DST: variants seen among roughly 807,000 people sequenced by gnomAD.
The protein encoded by DST is bullous pemphigoid antigen.
DST carries 253 observed loss-of-function variants against 875.2 expected under a neutral mutation model. The observed-to-expected ratio is 0.29, with a 90% confidence interval of 0.26 to 0.32. The LOEUF is 0.32. Ranked by LOEUF, DST falls within the 10% of genes least tolerant of loss-of-function variation. DST has a pLI of 1.00. For synonymous variants in DST, 3,124 were observed against 3,197.1 expected (o/e 0.98, Z 0.77); for missense variants, 8,287 against 9,111.6 (o/e 0.91, Z 3.68).
At chr6:56,513,569 G>A (rs867274532) in intron 72 of DST, among the ~76,000 whole-genome samples, 2 of 152,012 alleles carry the variant, frequency 1.3e-5, no homozygotes, top group Non-Finnish European at 2.9e-5. Flanking sequence ...TCTCCATGTT[G>A]GTCAGGCTGG....
chr6:56,934,824 A>T (rs1812187961), intron 2 of DST, among the ~76,000 whole-genome samples: 1 of 150,622 alleles, frequency 6.6e-6, no homozygotes, highest in African/African-American at 2.5e-5. Context: ...TATTATTCTT[A>T]AAAAAAATTA....
intron 85 of DST, 131 bp from the exon 86 acceptor site, chr6:56,489,740 G>A (rs1582948307): frequency 1.2e-6 from 1 of 861,362 alleles, no homozygotes; most frequent in Non-Finnish European, 1.6e-6. Flanking sequence ...TTCCACTGAA[G>A]AAGAAAAAAG....
intron 2 of DST, among the ~76,000 whole-genome samples, chr6:56,949,009 G>T (rs1157446185): frequency 6.6e-6 from 1 of 152,158 alleles, no homozygotes; most frequent in African/African-American, 2.4e-5. Context: ...CAGTTAGTTT[G>T]TGGCAGAGCT....
chr6:56,585,680 T>C (rs1185721883), intron 49 of DST, among the ~76,000 whole-genome samples: 2 of 151,746 alleles, frequency 1.3e-5, no homozygotes, highest in African/African-American at 2.4e-5. Context: ...CTTTTAATTG[T>C]GATGTTAGGG....
intron 36 of DST, chr6:56,624,299 T>G: frequency 1.6e-6 from 1 of 629,180 alleles, no homozygotes. Flanking sequence ...AGTGAAAATG[T>G]AAAGTCATGA....
In DST at chr6:56,758,025, A is replaced by G. The variant is rs1225632715; in HGVS notation, c.626-22736T>C. ...AGCTCTTTGAAATGGAAAATTTCCC[A>G]GGAAAGAAACAACTACCATTAATAC... On this transcript the variant is annotated intron_variant, in intron 4 of 103. Coordinates refer to ENST00000680361, the MANE Select transcript of DST (RefSeq NM_001374736.1). Among the ~76,000 whole-genome samples the G allele has an allele frequency of 2.6e-5, 4 of 152,384 alleles. No homozygotes were observed. The East Asian group carries it at 7.7e-4, about 29-fold the overall frequency.
At chr6:56,598,331 G>T in intron 46 of DST, 145 bp downstream of exon 46, 1 of 542,566 alleles carries the variant, frequency 1.8e-6, no homozygotes. Flanking sequence ...TGTAGTACTT[G>T]GTCAATTATG....
intron 61 of DST, chr6:56,540,831 G>A (rs1293993168): frequency 1.3e-5 from 2 of 152,542 alleles, no homozygotes; most frequent in African/African-American, 4.8e-5. Flanking sequence ...TCATCAGGGT[G>A]GGCACTTTGA....
intron 2 of DST, among the ~76,000 whole-genome samples, chr6:56,936,679 A>C (rs1681905968): frequency 1.3e-5 from 2 of 152,184 alleles, no homozygotes; most frequent in Non-Finnish European, 2.9e-5. Flanking sequence ...GAAGTGTGCA[A>C]CAGGACAGGA....
intron 9 of DST, among the ~76,000 whole-genome samples, chr6:56,680,306 A>T (rs2152841233): frequency 6.6e-6 from 1 of 152,380 alleles, no homozygotes; most frequent in African/African-American, 2.4e-5. Context: ...GAAGAAAATT[A>T]GATTGTTAAC....
Position 56,640,320 on chromosome 6 carries a change from T to C in DST, c.2313A>G (p.Pro771=). 6.2e-7 allele frequency: 1 copy of C among 1,614,154 alleles called. No homozygotes were observed. The highest frequency in any genetic ancestry group is 8.5e-7 in the Non-Finnish European group (1 of 1,180,016). ...AACTGAAATTTGGAACTAATCCTGATGGGAAACCAGGTGTATAAGCTGGAG... is the reference window on the plus strand; with the variant it reads ...AACTGAAATTTGGAACTAATCCTGACGGGAAACCAGGTGTATAAGCTGGAG... ...SVTPAYTPGF[P]SGLVPNFSSG... is the part of the protein sequence containing the mutation. Residue 771 remains proline (P), a synonymous_variant, in exon 18 of 104, where the codon CCA becomes CCG. Transcript: ENST00000680361.
rs538061634 is a variant in DST, at chr6:56,606,779, A to C, written c.7849T>G (p.Leu2617Val). ...DSDDDFYDTP[L>V]FEDDDHDSLL... Reference sequence around the variant, plus strand: ...GAATCATGGTCATCATCTTCAAACAAGGGAGTATCATAAAAATCATCATCA... The same window carrying C: ...GAATCATGGTCATCATCTTCAAACACGGGAGTATCATAAAAATCATCATCA... Residue 2617 changes from leucine (L) to valine (V), a missense_variant, in exon 40 of 104, where the codon TTG (leucine) becomes GTG (valine). Leu to Val is a conservative substitution (Grantham distance 32, BLOSUM62 1). This residue lies in a region of DST where 3,138 missense variants were observed against 3,116.6 expected (regional missense o/e 1.01). Coordinates refer to ENST00000680361, the MANE Select transcript of DST (RefSeq NM_001374736.1). 1 of 1,613,316 alleles carries C rather than the reference A, an allele frequency of 6.2e-7. No homozygotes were observed. The highest frequency in any genetic ancestry group is 1.3e-5 in the African/African-American group (1 of 75,010).
At chr6:56,468,845 A>T in intron 98 of DST, 137 bp downstream of exon 98, 1 of 637,996 alleles carries the variant, frequency 1.6e-6, no homozygotes, top group Non-Finnish European at 2.6e-6. Context: ...GCGTTTACAG[A>T]AACACCACGC....
At chr6:56,641,503 G>A (rs1011183196) in intron 17 of DST, among the ~76,000 whole-genome samples, 3 of 152,130 alleles carry the variant, frequency 2.0e-5, no homozygotes, top group African/African-American at 4.8e-5. Flanking sequence ...CATGAGAATC[G>A]CCTGAACCCA....
chr6:56,867,856 C>G (rs1187204532), intron 3 of DST, among the ~76,000 whole-genome samples: 1 of 152,024 alleles, frequency 6.6e-6, no homozygotes, highest in Non-Finnish European at 1.5e-5. Flanking sequence ...TAGTAGGGCT[C>G]TCATTTCAGA....
chr6:56,916,739 T>TTCTCTCTCTC (rs1311090161), intron 2 of DST, among the ~76,000 whole-genome samples: 1 of 111,470 alleles, frequency 9.0e-6, no homozygotes, highest in East Asian at 3.1e-4. Flanking sequence ...AGACAAGATC[T>TTCTCTCTCTC]TCTCTCTCTC....
chr6:56,501,139 C>T lies in DST; in HGVS notation c.19837G>A (p.Glu6613Lys), dbSNP rs774024526. 3 of 1,612,696 alleles carry T rather than the reference C, an allele frequency of 1.9e-6. No homozygotes were observed. ...GGGTCTCCTCCAACAGGTTTCTGCT[C>T]ACTTAGCAAGCCCTCGGTGTGTGTC... The part of the protein sequence containing the change: ...WLTHTEGLLS[E>K]QKPVGGDPKA... The change falls in exon 80 of 104, where the codon GAG (glutamate) becomes AAG (lysine). Residue 6613 changes from glutamate (E) to lysine (K), a missense_variant. Glu to Lys is a moderately conservative substitution (Grantham distance 56, BLOSUM62 1). Coordinates refer to ENST00000680361, the MANE Select transcript of DST (RefSeq NM_001374736.1).
chr6:56,694,654 C>A (rs772370481), intron 9 of DST, among the ~76,000 whole-genome samples: 17 of 152,138 alleles, frequency 1.1e-4, no homozygotes, highest in Non-Finnish European at 4.4e-5. Context: ...CTCCCCCAAT[C>A]CTTCCCTCCA....
At chr6:56,517,357 A>C in intron 70 of DST, 52 bp from the exon 71 acceptor site, 1 of 1,587,510 alleles carries the variant, frequency 6.3e-7, no homozygotes, top group Non-Finnish European at 8.6e-7. Context: ...TTGTATGACT[A>C]AAATGAAAAC....
Sources: gnomAD v4.1 joint callset for allele counts (sites outside exome capture counted in the v4.1 genomes callset) on GRCh38, gnomAD v4.1.1 for gene constraint, gnomAD v4.1.1 regional missense constraint, MANE v1.5 for transcripts, NCBI Gene and HGNC (gene_info 2026-07-23, HGNC 2026-07-21) for gene names.